Variants in BACE2 observed in about 807,000 individuals in gnomAD.
The protein encoded by BACE2 is beta-secretase 2, also known as 56 kDa aspartic-like protease.
Under a neutral mutation model 46.2 loss-of-function variants are expected in BACE2, and 17 were observed. The observed-to-expected ratio is 0.37, with a 90% confidence interval of 0.25 to 0.55. The LOEUF is 0.55. Among genes scored for constraint, BACE2 ranks in the 20% least tolerant of loss-of-function variants. BACE2 has a pLI of 0.82. For missense variants in BACE2, 595 were observed against 698.1 expected (o/e 0.85, Z 1.66); for synonymous variants, 277 against 295.9 (o/e 0.94, Z 0.66).
chr21:41,249,119 A>G (rs186475167), intron 6 of BACE2, among the ~76,000 whole-genome samples: 268 of 151,916 alleles, frequency 1.8e-3, no homozygotes, highest in African/African-American at 6.2e-3. Flanking sequence ...ACTAGTGGGC[A>G]TGTACACTTG....
In BACE2 at chr21:41,280,626, T is replaced by C. The variant is rs2088537179; in HGVS notation, c.*5002T>C. 6.6e-6 allele frequency: 1 copy of C among 152,302 alleles called. No individual in the cohort carries two copies. Among genetic ancestry groups the C allele is most frequent in the African/African-American group, 2.4e-5 (1 of 41,456 alleles). 9.4% of individuals were successfully genotyped at this position (152,302 alleles called of 1,614,324 possible). A position where few individuals can be genotyped will look rare whatever the true frequency, so the allele number is the denominator to read the frequency against. On this transcript the variant is annotated 3_prime_UTR_variant, in exon 9 of 9. Coordinates refer to ENST00000330333, the MANE Select transcript of BACE2 (RefSeq NM_012105.5). ...AGACGTGAGCAGGCTCCCTGGGCTC[T>C]TGGTGTCACCCTGTTAGCCACATCT... is the stretch of plus-strand genomic sequence containing the variant.
At chr21:41,202,282 C>T (rs143314221) in intron 1 of BACE2, among the ~76,000 whole-genome samples, 33 of 152,280 alleles carry the variant, frequency 2.2e-4, no homozygotes, top group Non-Finnish European at 4.1e-4. Context: ...GAGATGCTAC[C>T]ATGATGAGGA....
At chr21:41,268,054 G>A (rs1568894059) in intron 8 of BACE2, among the ~76,000 whole-genome samples, 2 of 152,144 alleles carry the variant, frequency 1.3e-5, no homozygotes, top group Admixed American at 6.5e-5. Context: ...ATTGTAACTC[G>A]AGACATTGAT....
At chr21:41,237,476 A>G in intron 2 of BACE2, 37 bp from the exon 3 acceptor site, 1 of 1,359,720 alleles carries the variant, frequency 7.4e-7, no homozygotes, top group Non-Finnish European at 9.9e-7. Flanking sequence ...AAAATAAAAT[A>G]AAATGAATAC....
Position 41,277,919 on chromosome 21 carries a change from G to C in BACE2, c.*2295G>C, listed in dbSNP as rs1256673941. 6.6e-6 allele frequency: 1 copy of C among 152,186 alleles called. No homozygotes were observed. The highest frequency in any genetic ancestry group is 1.5e-5 in the Non-Finnish European group (1 of 68,024). The allele number at this position is 152,186 out of a possible 1,614,324, so 9.4% of individuals were successfully genotyped here. ...ACTGAAACTACAAAAGCATAACTTC[G>C]CAACAAGAATGAGATAGACAATTGA... On this transcript the variant is annotated 3_prime_UTR_variant, in exon 9 of 9. Transcript: ENST00000330333.
intron 1 of BACE2, among the ~76,000 whole-genome samples, chr21:41,187,233 C>T (rs1285236347): frequency 2.0e-5 from 3 of 152,182 alleles, no homozygotes; most frequent in Admixed American, 2.0e-4. Flanking sequence ...CTTATCACTC[C>T]CTCCTGCCAA....
At chr21:41,174,836 C>T (rs1242545177) in intron 1 of BACE2, among the ~76,000 whole-genome samples, 1 of 152,150 alleles carries the variant, frequency 6.6e-6, no homozygotes, top group African/African-American at 2.4e-5. Context: ...CCCTGTTTGC[C>T]CAGCCTTGGT....
At position 41,278,813 on chromosome 21, in the gene BACE2, T is replaced by C. The variant is rs2088516186; in HGVS notation, c.*3189T>C. 6.6e-6 allele frequency: 1 copy of C among 152,150 alleles called. No homozygotes were observed. Among genetic ancestry groups the C allele is most frequent in the Admixed American group, 6.5e-5 (1 of 15,278 alleles). The allele number at this position is 152,150 out of a possible 1,614,324, so 9.4% of individuals were successfully genotyped here. On this transcript the variant is annotated 3_prime_UTR_variant, in exon 9 of 9. Coordinates refer to ENST00000330333, the MANE Select transcript of BACE2 (RefSeq NM_012105.5). ...TGCCACGTGTGGTTCAGTTCTAAGT[T>C]CTGGACTAGTGCCACTCGATATCAT...
chr21:41,168,719 G>C, intron 1 of BACE2, 144 bp downstream of exon 1: 4 of 571,766 alleles, frequency 7.0e-6, no homozygotes, highest in Non-Finnish European at 5.2e-6. Flanking sequence ...GAGGGGCTCG[G>C]GTGGGCCGGG....
intron 8 of BACE2, among the ~76,000 whole-genome samples, chr21:41,267,020 AGGGTT>A (rs1407688171): frequency 6.6e-6 from 1 of 151,310 alleles, no homozygotes; most frequent in Admixed American, 6.6e-5. Context: ...ACTTAGCCTA[AGGGTT>A]GGGGTGGGGG....
At chr21:41,218,236 G>A (rs548900397) in intron 1 of BACE2, among the ~76,000 whole-genome samples, 2 of 152,142 alleles carry the variant, frequency 1.3e-5, no homozygotes, top group African/African-American at 2.4e-5. Context: ...AAAAAGTCAC[G>A]TGTAATGAGG....
In BACE2 at chr21:41,250,977, G is replaced by A. The variant is rs145377331; in HGVS notation, c.1134+76G>A. On this transcript the variant is annotated intron_variant, in intron 7 of 8. Coordinates refer to ENST00000330333, the MANE Select transcript of BACE2 (RefSeq NM_012105.5). ...CACTCCATGCATGACACGTGTATTAGATGTCACACCTGCATTAGATCTCTA... is the reference window on the plus strand; with the variant it reads ...CACTCCATGCATGACACGTGTATTAAATGTCACACCTGCATTAGATCTCTA... 320 of 1,355,342 alleles carry A rather than the reference G, an allele frequency of 2.4e-4. 4 individuals are homozygous for A. In the African/African-American group the frequency reaches 3.9e-3, roughly 17 times the overall value. The allele number at this position is 1,355,342 out of a possible 1,614,324, so 84.0% of individuals were successfully genotyped here.
chr21:41,234,266 G>A lies in BACE2; in HGVS notation c.402-3247G>A, dbSNP rs147217797. Reference sequence around the variant, plus strand: ...ATGATTGTGAGGCCTCCCCAGCCACGTAGAATTGTGAGCCCATTAAACTTC... The same window carrying A: ...ATGATTGTGAGGCCTCCCCAGCCACATAGAATTGTGAGCCCATTAAACTTC... On this transcript the variant is annotated intron_variant, in intron 2 of 8. Transcript: ENST00000330333. Among the ~76,000 whole-genome samples, 1,441 of 152,266 alleles carry A rather than the reference G, an allele frequency of 9.5e-3. 21 individuals are homozygous for A. Among genetic ancestry groups the A allele is most frequent in the African/African-American group, 0.028 (1,148 of 41,544 alleles).
chr21:41,221,601 G>A (rs1986649878), intron 1 of BACE2, among the ~76,000 whole-genome samples: 1 of 152,122 alleles, frequency 6.6e-6, no homozygotes, highest in Non-Finnish European at 1.5e-5. Context: ...CGCAGAGGGT[G>A]GATCACGAGG....
At chr21:41,199,179 T>G (rs1240851156) in intron 1 of BACE2, among the ~76,000 whole-genome samples, 1 of 151,964 alleles carries the variant, frequency 6.6e-6, no homozygotes, top group Non-Finnish European at 1.5e-5. Flanking sequence ...GCCTTCTTTT[T>G]TAACAGGAAC....
intron 1 of BACE2, among the ~76,000 whole-genome samples, chr21:41,198,395 T>C (rs1275947240): frequency 6.6e-6 from 1 of 152,340 alleles, no homozygotes; most frequent in South Asian, 2.1e-4. Flanking sequence ...CCTCGTCTGA[T>C]TCAAGAGAAA....
rs978365283 is a variant in BACE2 at position 41,280,680 on chromosome 21, C to T, written c.*5056C>T. On this transcript the variant is annotated 3_prime_UTR_variant, in exon 9 of 9. Transcript: ENST00000330333. ...GAATGTGGAAGGCAGAACATAGCCA[C>T]GCTGCTTAGTGCTGCCAGCGAACCT... is the stretch of plus-strand genomic sequence containing the variant. 6.6e-6 allele frequency: 1 copy of T among 152,262 alleles called. No individual in the cohort carries two copies. The highest frequency in any genetic ancestry group is 1.5e-5 in the Non-Finnish European group (1 of 68,058). The allele number at this position is 152,262 out of a possible 1,614,324, so 9.4% of individuals were successfully genotyped here. A position where few individuals can be genotyped will look rare whatever the true frequency, so the allele number is the denominator to read the frequency against.
At chr21:41,244,425 A>G (rs1458671522) in intron 5 of BACE2, among the ~76,000 whole-genome samples, 3 of 152,118 alleles carry the variant, frequency 2.0e-5, no homozygotes, top group Non-Finnish European at 4.4e-5. Context: ...GTGGAAAATT[A>G]CAATCAAAGG....
chr21:41,168,696 A>T, intron 1 of BACE2, 121 bp downstream of exon 1: 9 of 555,180 alleles, frequency 1.6e-5, no homozygotes, highest in Non-Finnish European at 2.3e-5. Flanking sequence ...CGCACAGAAG[A>T]GCGGGGAACG....
Sources: allele counts gnomAD v4.1 joint callset (sites outside exome capture counted in the v4.1 genomes callset), GRCh38; gene constraint gnomAD v4.1.1; transcripts MANE v1.5; gene names NCBI Gene and HGNC (gene_info 2026-07-23, HGNC 2026-07-21).